Variants in AGBL4 observed in about 807,000 individuals in gnomAD.
The protein encoded by AGBL4 is AGBL carboxypeptidase 4.
A neutral mutation model predicts 66.4 loss-of-function variants in AGBL4; 58 were observed. The observed-to-expected ratio is 0.87, with a 90% CI of 0.71 to 1.09. AGBL4 has a LOEUF of 1.09. Ranked by LOEUF, AGBL4 falls within the 50% of genes least tolerant of loss-of-function variation. The probability of loss-of-function intolerance (pLI) is 0.00; values close to 1 mark genes in which losing one functional copy is unlikely to be tolerated. For missense variants in AGBL4, 579 were observed against 631.0 expected, an observed-to-expected ratio of 0.92 and a Z score of 0.88; for synonymous variants, 234 against 222.9, an observed-to-expected ratio of 1.05 and a Z score of -0.44.
chr1:49,178,304 A>G (rs1275870642), intron 4 of AGBL4, among the ~76,000 whole-genome samples: 1 of 152,214 alleles, frequency 6.6e-6, no homozygotes, highest in Non-Finnish European at 1.5e-5. Context: ...TGTCAAGTGT[A>G]CATGTTACTT....
At chr1:48,904,003 G>C (rs187256848) in intron 5 of AGBL4, among the ~76,000 whole-genome samples, 1 of 152,308 alleles carries the variant, frequency 6.6e-6, no homozygotes, top group Non-Finnish European at 1.5e-5. Context: ...TCTCGGCCAG[G>C]CATGGTGGCT....
chr1:49,562,302 C>T (rs1644069239), intron 3 of AGBL4, among the ~76,000 whole-genome samples: 2 of 152,090 alleles, frequency 1.3e-5, no homozygotes, highest in African/African-American at 4.8e-5. Flanking sequence ...TGCAGAAGCT[C>T]TTTAGTTTAA....
chr1:49,833,910 T>A (rs1256768093), intron 2 of AGBL4, among the ~76,000 whole-genome samples: 3 of 152,150 alleles, frequency 2.0e-5, no homozygotes, highest in African/African-American at 7.2e-5. Flanking sequence ...CAATGGGGTT[T>A]TCTAGATATA....
intron 2 of AGBL4, among the ~76,000 whole-genome samples, chr1:49,723,436 C>T (rs959398773): frequency 1.3e-5 from 2 of 152,028 alleles, no homozygotes; most frequent in Admixed American, 6.6e-5. Flanking sequence ...ATCAGCCTGC[C>T]GCATAAAGCC....
chr1:49,756,383 G>C (rs1372924776), intron 2 of AGBL4, among the ~76,000 whole-genome samples: 2 of 152,190 alleles, frequency 1.3e-5, no homozygotes, highest in Non-Finnish European at 2.9e-5. Flanking sequence ...GTAACCAGGA[G>C]TTTTGCTCTT....
At chr1:48,523,016 T>G in the AGBL4 span, among the ~76,000 whole-genome samples, 1 of 151,886 alleles carries the variant, frequency 6.6e-6, no homozygotes, top group Non-Finnish European at 1.5e-5. Flanking sequence ...TGTGAGATCA[T>G]TTTTAGGGTA....
intron 6 of AGBL4, among the ~76,000 whole-genome samples, chr1:48,854,180 A>G (rs370786543): frequency 3.9e-5 from 6 of 152,218 alleles, no homozygotes; most frequent in Non-Finnish European, 8.8e-5. Context: ...CAGGGAGCTA[A>G]GAAGTGGCAG....
intron 3 of AGBL4, among the ~76,000 whole-genome samples, chr1:49,659,317 T>C (rs1646220892): frequency 6.6e-6 from 1 of 152,240 alleles, no homozygotes; most frequent in African/African-American, 2.4e-5. Flanking sequence ...ATAATAATAT[T>C]AACCTTAAAT....
At chr1:49,668,096 G>C (rs1169613997) in intron 3 of AGBL4, among the ~76,000 whole-genome samples, 6 of 152,182 alleles carry the variant, frequency 3.9e-5, no homozygotes, top group Non-Finnish European at 5.9e-5. Flanking sequence ...ATACAGCTGA[G>C]TGAATTAAAG....
intron 3 of AGBL4, among the ~76,000 whole-genome samples, chr1:49,329,261 C>G (rs1055258869): frequency 1.3e-5 from 2 of 151,800 alleles, no homozygotes; most frequent in Non-Finnish European, 1.5e-5. Flanking sequence ...GAGCCAAGAT[C>G]GCACCATTGC....
intron 3 of AGBL4, among the ~76,000 whole-genome samples, chr1:49,441,681 C>A (rs1326514807): frequency 6.6e-6 from 1 of 152,190 alleles, no homozygotes; most frequent in Non-Finnish European, 1.5e-5. Flanking sequence ...ACAGTGGGAA[C>A]CACAGTCACT....
At chr1:48,565,371 G>T (rs1444000402) in intron 11 of AGBL4, among the ~76,000 whole-genome samples, 1 of 152,150 alleles carries the variant, frequency 6.6e-6, no homozygotes, top group Non-Finnish European at 1.5e-5. Context: ...GTGGAGCTGG[G>T]CTTCTAGTTG....
chr1:49,638,510 C>T (rs1287899502), intron 3 of AGBL4, among the ~76,000 whole-genome samples: 1 of 152,092 alleles, frequency 6.6e-6, no homozygotes, highest in Non-Finnish European at 1.5e-5. Flanking sequence ...GTGTCCTCAC[C>T]CAAATCTCTT....
In AGBL4 at chr1:49,950,150, A is replaced by G. The variant is rs867123014; in HGVS notation, c.34+73613T>C. On this transcript the variant is annotated intron_variant, in intron 1 of 13. Coordinates refer to ENST00000371839, the MANE Select transcript of AGBL4 (RefSeq NM_032785.4). ...TGTGTATATATATACACATATGTGTATATATATACACACATATATATATAC... is the reference window on the plus strand; with the variant it reads ...TGTGTATATATATACACATATGTGTGTATATATACACACATATATATATAC... Among the ~76,000 whole-genome samples, 7 of 144,586 alleles carry G rather than the reference A, an allele frequency of 4.8e-5. 1 individual carries two copies. Among genetic ancestry groups the G allele is most frequent in the South Asian group, 2.1e-4 (1 of 4,722 alleles). The allele number at this position is 144,586 out of a possible 152,430, so 94.9% of individuals were successfully genotyped here.
intron 3 of AGBL4, among the ~76,000 whole-genome samples, chr1:49,655,796 A>C (rs1646115270): frequency 6.6e-6 from 1 of 152,218 alleles, no homozygotes; most frequent in South Asian, 2.1e-4. Context: ...CAAAATTGAT[A>C]GACTGCTAGC....
intron 6 of AGBL4, among the ~76,000 whole-genome samples, chr1:48,840,901 T>C (rs969826886): frequency 6.6e-6 from 1 of 152,120 alleles, no homozygotes; most frequent in African/African-American, 2.4e-5. Context: ...GGCACATCTA[T>C]ACAATTGAAT....
At chr1:49,895,902 A>G (rs190346167) in intron 1 of AGBL4, among the ~76,000 whole-genome samples, 6 of 151,218 alleles carry the variant, frequency 4.0e-5, no homozygotes, top group African/African-American at 1.5e-4. Flanking sequence ...TAAATATACT[A>G]AACTCCTCAA....
At chr1:49,311,607 A>G (rs1283548019) in intron 3 of AGBL4, among the ~76,000 whole-genome samples, 1 of 152,034 alleles carries the variant, frequency 6.6e-6, no homozygotes, top group African/African-American at 2.4e-5. Flanking sequence ...ACTTTGGACC[A>G]AAAAAAGATG....
At chr1:49,801,539 T>G (rs891007456) in intron 2 of AGBL4, among the ~76,000 whole-genome samples, 23 of 152,338 alleles carry the variant, frequency 1.5e-4, no homozygotes, top group African/African-American at 5.5e-4. Flanking sequence ...CAAATAGATT[T>G]GTAAAACCTT....
Sources: allele counts gnomAD v4.1 joint callset (sites outside exome capture counted in the v4.1 genomes callset), GRCh38; gene constraint gnomAD v4.1.1; transcripts MANE v1.5; gene names NCBI Gene and HGNC (gene_info 2026-07-23, HGNC 2026-07-21).